ADAM12: variants seen among roughly 807,000 people sequenced by gnomAD.
ADAM12 encodes disintegrin and metalloproteinase domain-containing protein 12.
Under a neutral mutation model 106.4 loss-of-function variants are expected in ADAM12, and 70 were observed. The observed-to-expected ratio is 0.66, with a 90% CI of 0.54 to 0.80. The LOEUF (loss-of-function observed/expected upper bound fraction) is 0.80, where lower values mean the gene tolerates loss of function less well. Ranked by LOEUF, ADAM12 falls within the 30% of genes least tolerant of loss-of-function variation. The pLI is 0.00. For missense variants in ADAM12, 1,010 were observed against 1,171.9 expected, an observed-to-expected ratio of 0.86 and a Z score of 2.02; for synonymous variants, 420 against 433.5, an observed-to-expected ratio of 0.97 and a Z score of 0.39.
chr10:126,032,369 C>T (rs1489703554), intron 21 of ADAM12, among the ~76,000 whole-genome samples: 2 of 152,204 alleles, frequency 1.3e-5, no homozygotes, highest in African/African-American at 4.8e-5. Context: ...TAATCTATAT[C>T]ATATGTCTTA....
intron 3 of ADAM12, among the ~76,000 whole-genome samples, chr10:126,179,555 A>G (rs1359956166): frequency 2.0e-5 from 3 of 152,204 alleles, no homozygotes; most frequent in Non-Finnish European, 4.4e-5. Flanking sequence ...GATGCTAAAA[A>G]ATGTTACTCA....
At chr10:126,232,957 GGA>G (rs1261221007) in intron 3 of ADAM12, among the ~76,000 whole-genome samples, 3 of 152,150 alleles carry the variant, frequency 2.0e-5, no homozygotes, top group Non-Finnish European at 4.4e-5. Context: ...GGGGCAGTAG[GGA>G]GAGTCGGTGG....
At chr10:126,193,363 T>C (rs987386137) in intron 3 of ADAM12, among the ~76,000 whole-genome samples, 1 of 150,900 alleles carries the variant, frequency 6.6e-6, no homozygotes, top group African/African-American at 2.4e-5. Context: ...GTAACCAGTA[T>C]GACAGTTAAG....
At chr10:126,135,712 A>T in intron 4 of ADAM12, 52 bp from the exon 5 acceptor site, 1 of 1,507,402 alleles carries the variant, frequency 6.6e-7, no homozygotes, top group Non-Finnish European at 9.2e-7. Context: ...ATTTTTGCCC[A>T]CTTATAATAA....
At chr10:126,139,175 T>C (rs1051542430) in intron 4 of ADAM12, among the ~76,000 whole-genome samples, 4 of 152,194 alleles carry the variant, frequency 2.6e-5, no homozygotes, top group African/African-American at 9.7e-5. Flanking sequence ...AGAACTTATA[T>C]TTTCATAATA....
chr10:126,086,680 A>AAAAAAAATATATATATATATAT (rs1554966976), intron 11 of ADAM12, among the ~76,000 whole-genome samples: 3 of 24,264 alleles, frequency 1.2e-4, no homozygotes, highest in African/African-American at 3.3e-4. Context: ...AAAAAAAAAA[A>AAAAAAAATATATATATATATAT]ATATATATAT....
chr10:126,077,965 T>A lies in ADAM12; in HGVS notation c.1146-6311A>T, dbSNP rs567702435. ...AATGACTGCCCCCCAATACAAAAAATTTAATAAATGAAAATTACTTCAAAT... is the reference window on the plus strand; with the variant it reads ...AATGACTGCCCCCCAATACAAAAAAATTAATAAATGAAAATTACTTCAAAT... On this transcript the variant is annotated intron_variant, in intron 11 of 22. Coordinates refer to ENST00000448723, the MANE Select transcript of ADAM12 (RefSeq NM_001288973.2). Among the ~76,000 whole-genome samples, 6 of 152,264 alleles carry A rather than the reference T, an allele frequency of 3.9e-5. No homozygotes were observed. In the East Asian group the frequency reaches 7.7e-4, roughly 20 times the overall value.
intron 3 of ADAM12, among the ~76,000 whole-genome samples, chr10:126,198,623 G>C (rs543069424): frequency 6.6e-6 from 1 of 152,308 alleles, no homozygotes. Flanking sequence ...CCCAGCTGTG[G>C]GTGCCGGGGA....
intron 11 of ADAM12, among the ~76,000 whole-genome samples, chr10:126,081,630 G>A (rs1282254949): frequency 1.3e-5 from 2 of 152,210 alleles, no homozygotes; most frequent in African/African-American, 4.8e-5. Context: ...TGTCTGAGCA[G>A]CCTATCTGTA....
intron 14 of ADAM12, among the ~76,000 whole-genome samples, chr10:126,054,660 A>G (rs942994605): frequency 2.0e-5 from 3 of 152,204 alleles, no homozygotes; most frequent in African/African-American, 7.2e-5. Flanking sequence ...TCTGGCATTC[A>G]ATGTCCAAAA....
At chr10:126,202,037 T>A (rs1313688951) in intron 3 of ADAM12, among the ~76,000 whole-genome samples, 1 of 152,198 alleles carries the variant, frequency 6.6e-6, no homozygotes, top group African/African-American at 2.4e-5. Context: ...ACGCACAGGA[T>A]GTACAGCACC....
intron 20 of ADAM12, among the ~76,000 whole-genome samples, chr10:126,037,886 G>T (rs1954087204): frequency 6.6e-6 from 1 of 152,304 alleles, no homozygotes; most frequent in East Asian, 1.9e-4. Context: ...AACCATGGTG[G>T]GGCTGGCATT....
chr10:126,307,378 G>C (rs1297393642), intron 2 of ADAM12, among the ~76,000 whole-genome samples: 1 of 151,864 alleles, frequency 6.6e-6, no homozygotes, highest in Non-Finnish European at 1.5e-5. Flanking sequence ...TTTTGAGATG[G>C]AGTCTTGCTC....
At chr10:126,238,040 C>T (rs907496297) in intron 3 of ADAM12, among the ~76,000 whole-genome samples, 2 of 152,190 alleles carry the variant, frequency 1.3e-5, no homozygotes, top group Non-Finnish European at 2.9e-5. Flanking sequence ...CAATTGTTAG[C>T]TACGCAAAAT....
chr10:126,307,208 T>C (rs1960883624), intron 2 of ADAM12, among the ~76,000 whole-genome samples: 1 of 152,222 alleles, frequency 6.6e-6, no homozygotes, highest in African/African-American at 2.4e-5. Flanking sequence ...CTACTGAAAT[T>C]CTGCATATTT....
intron 1 of ADAM12, among the ~76,000 whole-genome samples, chr10:126,332,863 C>G (rs915987834): frequency 3.3e-5 from 5 of 152,186 alleles, no homozygotes; most frequent in Non-Finnish European, 7.3e-5. Flanking sequence ...GGGATTCACA[C>G]GTTGGAATGC....
At chr10:126,317,062 T>A (rs1385621192) in intron 2 of ADAM12, among the ~76,000 whole-genome samples, 1 of 152,164 alleles carries the variant, frequency 6.6e-6, no homozygotes, top group African/African-American at 2.4e-5. Flanking sequence ...GACTGAAGTT[T>A]GAGAAACATG....
chr10:126,266,125 C>T (rs993082082), intron 3 of ADAM12, among the ~76,000 whole-genome samples: 1 of 152,166 alleles, frequency 6.6e-6, no homozygotes, highest in Non-Finnish European at 1.5e-5. Context: ...TGCACCTCAC[C>T]TAATCTGTAG....
chr10:126,051,767 G>A (rs1307994545), intron 14 of ADAM12, among the ~76,000 whole-genome samples: 2 of 152,298 alleles, frequency 1.3e-5, no homozygotes, highest in Non-Finnish European at 2.9e-5. Flanking sequence ...AGTATAAGAG[G>A]GACCAAACTG....
Sources: allele counts gnomAD v4.1 joint callset (sites outside exome capture counted in the v4.1 genomes callset), GRCh38; gene constraint gnomAD v4.1.1; transcripts MANE v1.5; gene names NCBI Gene and HGNC (gene_info 2026-07-23, HGNC 2026-07-21).